The following ZNF804A variants were observed in gnomAD, a reference collection of about 807,000 sequenced individuals.
ZNF804A encodes the protein zinc finger protein 804A.
In ZNF804A, 2 loss-of-function variants were observed where a neutral mutation model predicts 16.5. That is an observed-to-expected ratio of 0.12 (90% CI 0.05 to 0.38). The LOEUF (loss-of-function observed/expected upper bound fraction) is 0.38, where lower values mean the gene tolerates loss of function less well. ZNF804A is among the 10% of genes least tolerant of loss of function. ZNF804A has a pLI of 0.99. For missense variants in ZNF804A, 1,473 were observed against 1,390.7 expected (o/e 1.06, Z -0.94); for synonymous variants, 534 against 489.6 (o/e 1.09, Z -1.20).
In ZNF804A at chr2:184,598,768, T is replaced by C; in HGVS notation, c.-192T>C. 1 of 375,776 alleles carries C rather than the reference T, an allele frequency of 2.7e-6. No homozygotes were observed. The highest frequency in any genetic ancestry group is 4.7e-6 in the Non-Finnish European group (1 of 213,938). 23.3% of individuals were successfully genotyped at this position (375,776 alleles called of 1,614,324 possible). On this transcript the variant is annotated 5_prime_UTR_variant, in exon 1 of 4. It removes an upstream start codon present in the reference 5' UTR. Coordinates refer to ENST00000302277, the MANE Select transcript of ZNF804A (RefSeq NM_194250.2). The stretch of plus-strand genomic sequence containing the variant: ...GACTGAGGGGAGAGCGCGGCGAGCA[T>C]GCGGAGGCGGGGGAGCCTCGGCGCT...
At position 184,866,508 on chromosome 2, in the gene ZNF804A, A is replaced by G. The variant is rs1211207493; in HGVS notation, c.251A>G (p.Lys84Arg). 3.7e-6 allele frequency: 6 copies of G among 1,605,888 alleles called. No homozygotes were observed. Among genetic ancestry groups the G allele is most frequent in the South Asian group, 1.1e-5 (1 of 89,488 alleles). ...ATTAATTCATATGACCATGCTCACAAGCAGGTAAGAAAGAGATGTGAAAAA... is the reference window on the plus strand; with the variant it reads ...ATTAATTCATATGACCATGCTCACAGGCAGGTAAGAAAGAGATGTGAAAAA... ...NHINSYDHAH[K>R]QRLKELKQRE... is the part of the protein sequence containing the mutation. The change falls in exon 2 of 4, where the codon AAG becomes AGG. Residue 84 changes from lysine to arginine, a missense_variant. Coordinates refer to ENST00000302277, the MANE Select transcript of ZNF804A (RefSeq NM_194250.2).
At chr2:184,828,508 A>T (rs778696648) in intron 1 of ZNF804A, among the ~76,000 whole-genome samples, 3 of 151,652 alleles carry the variant, frequency 2.0e-5, no homozygotes, top group Non-Finnish European at 3.0e-5. Flanking sequence ...TAAAATTTCC[A>T]AATTTTCCTT....
intron 1 of ZNF804A, among the ~76,000 whole-genome samples, chr2:184,764,806 T>G (rs1694090814): frequency 6.6e-6 from 1 of 152,134 alleles, no homozygotes; most frequent in African/African-American, 2.4e-5. Flanking sequence ...TAATAGTTTA[T>G]GAAAAAAATG....
At chr2:184,704,137 G>A (rs1692979608) in intron 1 of ZNF804A, among the ~76,000 whole-genome samples, 1 of 147,580 alleles carries the variant, frequency 6.8e-6, no homozygotes, top group Admixed American at 7.2e-5. Context: ...AACACTTTCA[G>A]ATTGAGTTTC....
chr2:184,935,807 C>A lies in ZNF804A; in HGVS notation c.411C>A (p.Phe137Leu). 1 of 1,609,128 alleles carries A rather than the reference C, an allele frequency of 6.2e-7. No homozygotes were observed. The highest frequency in any genetic ancestry group is 1.1e-5 in the South Asian group (1 of 90,286). The change falls in exon 4 of 4, where the codon TTC (phenylalanine) becomes TTA (leucine). Residue 137 changes from phenylalanine to leucine, a missense_variant. Phe to Leu is a conservative substitution (Grantham distance 22). Coordinates refer to ENST00000302277, the MANE Select transcript of ZNF804A (RefSeq NM_194250.2). ...TVCAPGSGPM[F>L]KSTTVTVREN... ...GTGCTCCTGGAAGTGGCCCCATGTT[C>A]AAATCAACAACTGTTACTGTGAGAG...
chr2:184,896,370 A>C (rs1419867473), intron 2 of ZNF804A, among the ~76,000 whole-genome samples: 1 of 149,654 alleles, frequency 6.7e-6, no homozygotes, highest in African/African-American at 2.6e-5. Context: ...TGTTATACTC[A>C]GATAGGGGTA....
At chr2:184,897,705 C>T (rs1351118437) in intron 2 of ZNF804A, among the ~76,000 whole-genome samples, 1 of 152,020 alleles carries the variant, frequency 6.6e-6, no homozygotes, top group Non-Finnish European at 1.5e-5. Flanking sequence ...CTAATACTAC[C>T]ATATTTTCTT....
At chr2:184,765,609 C>T (rs1261220312) in intron 1 of ZNF804A, among the ~76,000 whole-genome samples, 4 of 145,276 alleles carry the variant, frequency 2.8e-5, no homozygotes, top group African/African-American at 1.0e-4. Flanking sequence ...ACATGCACCC[C>T]CCCCCCTTAG....
chr2:184,753,382 C>T (rs527957474), intron 1 of ZNF804A, among the ~76,000 whole-genome samples: 64 of 151,598 alleles, frequency 4.2e-4, no homozygotes, highest in Admixed American at 1.3e-3. Context: ...CAATGCTGGA[C>T]GGCATATCAC....
intron 1 of ZNF804A, among the ~76,000 whole-genome samples, chr2:184,841,128 G>A (rs1695430702): frequency 6.6e-6 from 1 of 151,880 alleles, no homozygotes; most frequent in Non-Finnish European, 1.5e-5. Context: ...TCACGTTTTT[G>A]TCATATGTCC....
At chr2:184,708,688 T>C (rs1050034759) in intron 1 of ZNF804A, among the ~76,000 whole-genome samples, 3 of 152,142 alleles carry the variant, frequency 2.0e-5, no homozygotes, top group African/African-American at 7.2e-5. Context: ...TATAATAACT[T>C]AATAAATATT....
chr2:184,915,982 C>T (rs1685443244), intron 2 of ZNF804A, among the ~76,000 whole-genome samples: 1 of 152,152 alleles, frequency 6.6e-6, no homozygotes, highest in Non-Finnish European at 1.5e-5. Context: ...TTAACCTTCT[C>T]TGAAGAAGGA....
chr2:184,878,909 T>C (rs1473573836), intron 2 of ZNF804A, among the ~76,000 whole-genome samples: 1 of 152,014 alleles, frequency 6.6e-6, no homozygotes, highest in African/African-American at 2.4e-5. Flanking sequence ...AATTTGATCA[T>C]GAATAAAGTC....
rs186399888 is a variant in ZNF804A, at chr2:184,927,294, G to T, written c.256-6309G>T. On this transcript the variant is annotated intron_variant, in intron 2 of 3. Coordinates refer to ENST00000302277, the MANE Select transcript of ZNF804A (RefSeq NM_194250.2). ...TGGACAAGATCCAAAAGAATTATCT[G>T]GATTACCAGACAAAGACTCCTGTTC... 1.8e-4 allele frequency among the ~76,000 whole-genome samples: 28 copies of T among 152,308 alleles called. No homozygotes were observed. The East Asian group carries it at 3.3e-3, about 18-fold the overall frequency.
At chr2:184,892,949 G>A (rs1210225272) in intron 2 of ZNF804A, among the ~76,000 whole-genome samples, 1 of 152,018 alleles carries the variant, frequency 6.6e-6, no homozygotes, top group African/African-American at 2.4e-5. Context: ...TTTTCATAAA[G>A]AAAAATTATA....
intron 1 of ZNF804A, among the ~76,000 whole-genome samples, chr2:184,794,443 G>A (rs189060169): frequency 8.4e-4 from 127 of 151,962 alleles, no homozygotes; most frequent in African/African-American, 2.6e-3. Flanking sequence ...TTGCTAATTC[G>A]TTTGAGTTCA....
At chr2:184,765,542 G>T (rs1694108769) in intron 1 of ZNF804A, among the ~76,000 whole-genome samples, 1 of 151,782 alleles carries the variant, frequency 6.6e-6, no homozygotes, top group African/African-American at 2.4e-5. Flanking sequence ...TTACCGGTGG[G>T]TGCATGCAGC....
chr2:184,826,351 G>A (rs1695169214), intron 1 of ZNF804A, among the ~76,000 whole-genome samples: 1 of 151,928 alleles, frequency 6.6e-6, no homozygotes, highest in African/African-American at 2.4e-5. Flanking sequence ...TATCTTATGA[G>A]GAAATGACTT....
chr2:184,779,372 G>A lies in ZNF804A; in HGVS notation c.112-86997G>A, dbSNP rs139020356. ...GCTGTTTTATTTCTGTTGCTTCAGA[G>A]CTGTTTCTACTTATAATTCTTCTAC... On this transcript the variant is annotated intron_variant, in intron 1 of 3. Transcript: ENST00000302277. Among the ~76,000 whole-genome samples the A allele has an allele frequency of 1.1e-4, 16 of 151,792 alleles. No homozygotes were observed. In the East Asian group the frequency reaches 2.5e-3, roughly 24 times the overall value.
Sources: allele counts gnomAD v4.1 joint callset (sites outside exome capture counted in the v4.1 genomes callset), GRCh38; gene constraint gnomAD v4.1.1; transcripts MANE v1.5; gene names NCBI Gene and HGNC (gene_info 2026-07-23, HGNC 2026-07-21).